Variants in RPS6KC1 observed in about 807,000 individuals in gnomAD.
The protein encoded by RPS6KC1 is inactive ribosomal protein S6 kinase delta-1.
RPS6KC1 carries 54 observed loss-of-function variants against 103.8 expected under a neutral mutation model. The ratio of observed to expected loss-of-function variants is 0.52; its 90% CI spans 0.42 to 0.65. RPS6KC1 has a LOEUF of 0.65. RPS6KC1 is among the 30% of genes least tolerant of loss of function. RPS6KC1 has a pLI of 0.00. For synonymous variants in RPS6KC1, 439 were observed against 438.7 expected (o/e 1.00, Z -0.01); for missense variants, 1,151 against 1,253.8 (o/e 0.92, Z 1.24).
At chr1:213,138,273 G>C (rs970903948) in intron 6 of RPS6KC1, among the ~76,000 whole-genome samples, 10 of 151,666 alleles carry the variant, frequency 6.6e-5, no homozygotes, top group Non-Finnish European at 1.5e-4. Flanking sequence ...ATAGCACTTT[G>C]CAGATTTTTT....
At chr1:213,229,829 C>G (rs2094047727) in intron 8 of RPS6KC1, among the ~76,000 whole-genome samples, 1 of 152,096 alleles carries the variant, frequency 6.6e-6, no homozygotes, top group Admixed American at 6.5e-5. Flanking sequence ...AAAACCCTGG[C>G]CGCTGTTTTG....
the RPS6KC1 span, among the ~76,000 whole-genome samples, chr1:213,701,069 T>C: frequency 6.6e-6 from 1 of 152,074 alleles, no homozygotes; most frequent in Non-Finnish European, 1.5e-5. Flanking sequence ...CTGATTACTC[T>C]AGCTAGGACT....
chr1:213,763,841 A>G, the RPS6KC1 span, among the ~76,000 whole-genome samples: 1 of 152,124 alleles, frequency 6.6e-6, no homozygotes, highest in Non-Finnish European at 1.5e-5. Flanking sequence ...AGGAGCCTTC[A>G]CTCTGAATTC....
chr1:213,138,727 C>T (rs1156503063), intron 6 of RPS6KC1, among the ~76,000 whole-genome samples: 1 of 152,120 alleles, frequency 6.6e-6, no homozygotes, highest in Non-Finnish European at 1.5e-5. Context: ...TGTAGTATAT[C>T]TGTACCATAT....
At chr1:213,708,607 G>A in the RPS6KC1 span, among the ~76,000 whole-genome samples, 1 of 152,176 alleles carries the variant, frequency 6.6e-6, no homozygotes, top group Non-Finnish European at 1.5e-5. Flanking sequence ...AGTGGTGAGA[G>A]AGGGCATCCT....
chr1:213,673,262 T>A, the RPS6KC1 span, among the ~76,000 whole-genome samples: 9 of 152,218 alleles, frequency 5.9e-5, no homozygotes, highest in Non-Finnish European at 8.8e-5. Context: ...TAAGCTGGAA[T>A]AAGTCAGGAG....
the RPS6KC1 span, among the ~76,000 whole-genome samples, chr1:213,666,525 A>C: frequency 6.6e-6 from 1 of 152,234 alleles, no homozygotes; most frequent in African/African-American, 2.4e-5. Flanking sequence ...ATTTAAAGAC[A>C]TTTGATACAT....
chr1:213,606,055 C>T, the RPS6KC1 span, among the ~76,000 whole-genome samples: 1 of 152,134 alleles, frequency 6.6e-6, no homozygotes, highest in Non-Finnish European at 1.5e-5. Context: ...GTGGCAGCGC[C>T]CCTTCTGAGA....
the RPS6KC1 span, among the ~76,000 whole-genome samples, chr1:213,490,035 G>A: frequency 6.6e-6 from 1 of 152,116 alleles, no homozygotes. Flanking sequence ...AGGGAAATCA[G>A]ACAAAACCCA....
the RPS6KC1 span, among the ~76,000 whole-genome samples, chr1:213,422,215 C>T: frequency 6.6e-6 from 1 of 152,220 alleles, no homozygotes; most frequent in Non-Finnish European, 1.5e-5. Flanking sequence ...AATTTAACTT[C>T]TCTAGGTACT....
chr1:213,464,899 A>G, the RPS6KC1 span, among the ~76,000 whole-genome samples: 1 of 151,978 alleles, frequency 6.6e-6, no homozygotes, highest in Non-Finnish European at 1.5e-5. Flanking sequence ...CAAGACAGTC[A>G]TTCTCCCAGG....
intron 8 of RPS6KC1, among the ~76,000 whole-genome samples, chr1:213,182,654 CAG>C (rs911086051): frequency 5.3e-5 from 8 of 150,694 alleles, no homozygotes; most frequent in African/African-American, 1.9e-4. Context: ...GTTAAAAAAA[CAG>C]AGATTGATAT....
At chr1:213,622,912 C>T in the RPS6KC1 span, among the ~76,000 whole-genome samples, 10 of 152,152 alleles carry the variant, frequency 6.6e-5, no homozygotes, top group Non-Finnish European at 1.0e-4. Context: ...TACAAAGCCA[C>T]GGCGTGAGTC....
At chr1:213,107,896 A>G (rs1265752808) in intron 4 of RPS6KC1, among the ~76,000 whole-genome samples, 2 of 152,176 alleles carry the variant, frequency 1.3e-5, no homozygotes, top group Non-Finnish European at 2.9e-5. Flanking sequence ...GATGTTGAGC[A>G]TGTTTTCCTC....
At chr1:213,454,498 C>T in the RPS6KC1 span, among the ~76,000 whole-genome samples, 8 of 152,332 alleles carry the variant, frequency 5.3e-5, no homozygotes, top group African/African-American at 1.7e-4. Context: ...TGGGCACACA[C>T]AGGTGTAATT....
chr1:213,246,937 C>G (rs2094463920), intron 12 of RPS6KC1, among the ~76,000 whole-genome samples: 1 of 152,072 alleles, frequency 6.6e-6, no homozygotes, highest in Non-Finnish European at 1.5e-5. Context: ...AATATACAAT[C>G]TGAGACAAGT....
chr1:213,741,041 C>T, the RPS6KC1 span, among the ~76,000 whole-genome samples: 1 of 138,698 alleles, frequency 7.2e-6, no homozygotes, highest in Non-Finnish European at 1.6e-5. Flanking sequence ...TATACATATA[C>T]AATATAAAAA....
the RPS6KC1 span, among the ~76,000 whole-genome samples, chr1:213,283,413 A>T: frequency 6.6e-6 from 1 of 152,194 alleles, no homozygotes; most frequent in Non-Finnish European, 1.5e-5. Context: ...CATTAATCCC[A>T]AAGTACAAGC....
chr1:213,307,990 A>G, the RPS6KC1 span, among the ~76,000 whole-genome samples: 198 of 152,264 alleles, frequency 1.3e-3, 1 homozygote, highest in African/African-American at 4.6e-3. Flanking sequence ...AGGGCTGTTC[A>G]ATGATACTGG....
Sources: gnomAD v4.1 joint callset for allele counts (sites outside exome capture counted in the v4.1 genomes callset) on GRCh38, gnomAD v4.1.1 for gene constraint, MANE v1.5 for transcripts, NCBI Gene and HGNC (gene_info 2026-07-23, HGNC 2026-07-21) for gene names.